Variants in SORL1 observed in about 807,000 individuals in gnomAD.
The protein encoded by SORL1 is sortilin related receptor 1.
Under a neutral mutation model 273.7 loss-of-function variants are expected in SORL1, and 127 were observed. That is an observed-to-expected ratio of 0.46 (90% CI 0.40 to 0.54). The LOEUF (loss-of-function observed/expected upper bound fraction) is 0.54. Among genes scored for constraint, SORL1 ranks in the 20% least tolerant of loss-of-function variants. The pLI, the probability that SORL1 is intolerant of heterozygous loss-of-function variation, is 0.00. For synonymous variants in SORL1, 1,031 were observed against 1,067.4 expected, an observed-to-expected ratio of 0.97 and a Z score of 0.66; for missense variants, 2,494 against 2,846.1, an observed-to-expected ratio of 0.88 and a Z score of 2.81.
chr11:121,473,606 C>T (rs1591549247), intron 2 of SORL1, among the ~76,000 whole-genome samples: 1 of 152,202 alleles, frequency 6.6e-6, no homozygotes. Context: ...TCAGAATCAA[C>T]CAGGGGCTGG....
In SORL1 at chr11:121,577,156, C is replaced by T. The variant is rs1015308482; in HGVS notation, c.3461-125C>T. The T allele has an allele frequency of 6.9e-6, 9 of 1,310,254 alleles. No homozygotes were observed. In the African/African-American group the frequency reaches 1.3e-4, roughly 19 times the overall value. 81.2% of individuals were successfully genotyped at this position (1,310,254 alleles called of 1,614,324 possible). A position where few individuals can be genotyped will look rare whatever the true frequency, so the allele number is the denominator to read the frequency against. On this transcript the variant is annotated intron_variant, in intron 24 of 47. Transcript: ENST00000260197. ...TGTCCCTGGTAAAAGTCTCTTCGTT[C>T]ATGGTCTCTGTGGATCATTGGTGAT...
chr11:121,616,333 G>T (rs1863640662), intron 41 of SORL1, among the ~76,000 whole-genome samples: 1 of 152,210 alleles, frequency 6.6e-6, no homozygotes, highest in African/African-American at 2.4e-5. Flanking sequence ...GAGATCACCT[G>T]TAGGAAGCTC....
At chr11:121,542,773 T>C (rs536103355) in intron 12 of SORL1, among the ~76,000 whole-genome samples, 1 of 151,586 alleles carries the variant, frequency 6.6e-6, no homozygotes, top group Admixed American at 6.6e-5. Flanking sequence ...TGATGATCCT[T>C]GTGTGATTTA....
chr11:121,613,181 T>G (rs985481412), intron 40 of SORL1, among the ~76,000 whole-genome samples: 2 of 152,200 alleles, frequency 1.3e-5, no homozygotes, highest in Non-Finnish European at 2.9e-5. Context: ...TGTCTGTCCT[T>G]TCTAGTCTGG....
intron 23 of SORL1, among the ~76,000 whole-genome samples, chr11:121,572,885 G>A (rs1276797567): frequency 6.6e-6 from 1 of 152,144 alleles, no homozygotes; most frequent in African/African-American, 2.4e-5. Context: ...AAGAAATGGA[G>A]CCTCAAATAA....
At chr11:121,542,812 AATTAT>A (rs200395432) in intron 12 of SORL1, among the ~76,000 whole-genome samples, 9 of 149,176 alleles carry the variant, frequency 6.0e-5, no homozygotes, top group East Asian at 5.9e-4. Flanking sequence ...ATTTTTCTGT[AATTAT>A]ATTATATTAT....
intron 31 of SORL1, among the ~76,000 whole-genome samples, chr11:121,592,154 C>T (rs533657496): frequency 7.8e-4 from 119 of 152,314 alleles, no homozygotes; most frequent in African/African-American, 2.8e-3. Context: ...GCCTGTGCAC[C>T]TGCAGCAAGG....
At position 121,633,648 on chromosome 11, in the gene SORL1, T is replaced by A. The variant is rs150462840; in HGVS notation, c.*4085T>A. ...TTGTCTCAATGTCAACTTTTTTCAC[T>A]GAATAAAAATTTAACTGGGTCAAGA... On this transcript the variant is annotated 3_prime_UTR_variant, in exon 48 of 48. Coordinates refer to ENST00000260197, the MANE Select transcript of SORL1 (RefSeq NM_003105.6). 6.6e-6 allele frequency: 1 copy of A among 152,356 alleles called. No homozygotes were observed. The highest frequency in any genetic ancestry group is 1.9e-4 in the East Asian group (1 of 5,190). The allele number at this position is 152,356 out of a possible 1,614,324, so 9.4% of individuals were successfully genotyped here.
At chr11:121,521,361 C>A (rs1862039715) in intron 9 of SORL1, among the ~76,000 whole-genome samples, 2 of 152,158 alleles carry the variant, frequency 1.3e-5, no homozygotes, top group South Asian at 4.1e-4. Context: ...CCTCTTCCCT[C>A]AATAGTGTCT....
chr11:121,507,545 T>G (rs2134837044), intron 6 of SORL1, among the ~76,000 whole-genome samples: 1 of 152,240 alleles, frequency 6.6e-6, no homozygotes, highest in South Asian at 2.1e-4. Context: ...TCAAATCTTC[T>G]GTTGAACCCC....
At chr11:121,513,918 CATT>C (rs996551279) in intron 7 of SORL1, among the ~76,000 whole-genome samples, 108 of 152,300 alleles carry the variant, frequency 7.1e-4, no homozygotes, top group African/African-American at 2.4e-3. Flanking sequence ...TGCAGTGGCC[CATT>C]ATTTTGTGCC....
At chr11:121,581,803 G>T (rs1271659468) in intron 25 of SORL1, among the ~76,000 whole-genome samples, 1 of 152,174 alleles carries the variant, frequency 6.6e-6, no homozygotes, top group African/African-American at 2.4e-5. Flanking sequence ...AATTAAAAAT[G>T]AAATGCAGAG....
At chr11:121,581,614 A>G (rs536461929) in intron 25 of SORL1, among the ~76,000 whole-genome samples, 1 of 152,352 alleles carries the variant, frequency 6.6e-6, no homozygotes, top group African/African-American at 2.4e-5. Flanking sequence ...ATAAGTTACT[A>G]AGAAGATAGA....
intron 28 of SORL1, among the ~76,000 whole-genome samples, chr11:121,588,417 G>A (rs982166638): frequency 1.3e-5 from 2 of 152,144 alleles, no homozygotes; most frequent in African/African-American, 2.4e-5. Context: ...GCAGGATGGC[G>A]AGTGACCAGG....
intron 8 of SORL1, among the ~76,000 whole-genome samples, chr11:121,515,734 C>A (rs140868213): frequency 3.3e-5 from 5 of 152,116 alleles, no homozygotes; most frequent in Non-Finnish European, 5.9e-5. Flanking sequence ...TCACTGCAAC[C>A]GCCGCTTCCT....
Position 121,614,941 on chromosome 11 carries a change from T to C in SORL1, c.5490T>C (p.Pro1830=). ...AWAKTDLGDS[P]LAFEHVMTRG... ...CCAAGACTGACTTGGGGGATAGCCCTCTGGCATTTGAGCATGTTATGACCA... is the reference window on the plus strand; with the variant it reads ...CCAAGACTGACTTGGGGGATAGCCCCCTGGCATTTGAGCATGTTATGACCA... Residue 1830 remains proline (P), a synonymous_variant, in exon 41 of 48, where the codon CCT becomes CCC. Coordinates refer to ENST00000260197, the MANE Select transcript of SORL1 (RefSeq NM_003105.6). The C allele has an allele frequency of 6.2e-7, 1 of 1,613,648 alleles. No homozygotes were observed. The highest frequency in any genetic ancestry group is 8.5e-7 in the Non-Finnish European group (1 of 1,179,814).
intron 14 of SORL1, 130 bp downstream of exon 14, chr11:121,545,559 G>A (rs1456787121): frequency 4.7e-6 from 4 of 843,028 alleles, no homozygotes; most frequent in Non-Finnish European, 7.3e-6. Flanking sequence ...TATTTGTGAA[G>A]CATCTTTTAT....
intron 28 of SORL1, 75 bp from the exon 29 acceptor site, chr11:121,589,184 T>C (rs1863168875): frequency 7.7e-6 from 12 of 1,562,316 alleles, no homozygotes; most frequent in Non-Finnish European, 8.8e-6. Context: ...TCCCCCTTGC[T>C]TCTGGGCACC....
At chr11:121,462,664 G>T (rs191555076) in intron 1 of SORL1, among the ~76,000 whole-genome samples, 1 of 151,988 alleles carries the variant, frequency 6.6e-6, no homozygotes, top group Non-Finnish European at 1.5e-5. Context: ...AGCTCACTGC[G>T]GCCTCGATCT....
Sources: allele counts gnomAD v4.1 joint callset (sites outside exome capture counted in the v4.1 genomes callset), GRCh38; gene constraint gnomAD v4.1.1; transcripts MANE v1.5; gene names NCBI Gene and HGNC (gene_info 2026-07-23, HGNC 2026-07-21).